The following GTF2F2 variants were observed in gnomAD, a reference collection of about 807,000 sequenced individuals.
GTF2F2 encodes general transcription factor IIF subunit 2.
Under a neutral mutation model 42.2 loss-of-function variants are expected in GTF2F2, and 23 were observed. The observed-to-expected ratio is 0.55, with a 90% CI of 0.39 to 0.77. The LOEUF is 0.77. GTF2F2 is among the 30% of genes least tolerant of loss of function. The pLI is 0.00. For synonymous variants in GTF2F2, 105 were observed against 100.8 expected, an observed-to-expected ratio of 1.04 and a Z score of -0.25; for missense variants, 261 against 287.2, an observed-to-expected ratio of 0.91 and a Z score of 0.66.
chr13:45,200,596 AT>A (rs1470635741), intron 4 of GTF2F2, among the ~76,000 whole-genome samples: 6 of 152,216 alleles, frequency 3.9e-5, no homozygotes, highest in African/African-American at 1.4e-4. Context: ...GCGTGGCAAA[AT>A]TCCTGAAGAT....
chr13:45,125,550 C>T (rs1593441475), intron 1 of GTF2F2, among the ~76,000 whole-genome samples: 1 of 152,258 alleles, frequency 6.6e-6, no homozygotes, highest in East Asian at 1.9e-4. Flanking sequence ...AATCTCTTGA[C>T]CTCGTTCGTG....
chr13:45,123,939 G>T, intron 1 of GTF2F2: 2 of 571,064 alleles, frequency 3.5e-6, no homozygotes, highest in Non-Finnish European at 6.4e-6. Context: ...GACTGAGTAT[G>T]GCAGGGACTC....
intron 5 of GTF2F2, among the ~76,000 whole-genome samples, chr13:45,218,945 G>A (rs1873997888): frequency 6.6e-6 from 1 of 152,138 alleles, no homozygotes; most frequent in Admixed American, 6.5e-5. Context: ...GCCATGGGAT[G>A]TATTGTAAAG....
At chr13:45,251,011 A>G (rs1344780631) in intron 5 of GTF2F2, among the ~76,000 whole-genome samples, 2 of 152,256 alleles carry the variant, frequency 1.3e-5, no homozygotes, top group Non-Finnish European at 2.9e-5. Flanking sequence ...TTGTGTATTT[A>G]AAGGATAAGC....
At chr13:45,164,410 C>T (rs1283555303) in intron 4 of GTF2F2, among the ~76,000 whole-genome samples, 12 of 152,016 alleles carry the variant, frequency 7.9e-5, no homozygotes, top group African/African-American at 2.2e-4. Context: ...TAAAACATGT[C>T]GATTTACTGA....
rs1358501867 is a variant in GTF2F2, at chr13:45,181,180, AC to A, written c.305-26243del. ...AGACCCTGTCTCAAAAGACAAAAAA[AC>A]AAACAAACAAAAAAAAAAAAAACCA... On this transcript the variant is annotated intron_variant, in intron 4 of 7. Coordinates refer to ENST00000340473, the MANE Select transcript of GTF2F2 (RefSeq NM_004128.3). Among the ~76,000 whole-genome samples the A allele has an allele frequency of 6.5e-4, 86 of 131,542 alleles. 2 individuals are homozygous for A. Among genetic ancestry groups the A allele is most frequent in the African/African-American group, 1.8e-3 (46 of 25,888 alleles). The allele number at this position is 131,542 out of a possible 152,430, so 86.3% of individuals were successfully genotyped here.
intron 7 of GTF2F2, among the ~76,000 whole-genome samples, chr13:45,282,807 A>G (rs1301200332): frequency 6.6e-6 from 1 of 152,134 alleles, no homozygotes. Flanking sequence ...GCCCGGCCTT[A>G]TTATCACTTC....
chr13:45,253,916 T>G (rs917728620), intron 6 of GTF2F2, among the ~76,000 whole-genome samples: 4 of 151,956 alleles, frequency 2.6e-5, no homozygotes, highest in African/African-American at 9.7e-5. Context: ...CTACTAAAAA[T>G]ACAAAAATTA....
chr13:45,219,903 T>C (rs190165478), intron 5 of GTF2F2, among the ~76,000 whole-genome samples: 2 of 152,336 alleles, frequency 1.3e-5, no homozygotes, highest in East Asian at 3.9e-4. Flanking sequence ...CAGAAACTTT[T>C]CAAACTGAAA....
At chr13:45,175,765 G>C (rs954182055) in intron 4 of GTF2F2, among the ~76,000 whole-genome samples, 3 of 152,136 alleles carry the variant, frequency 2.0e-5, no homozygotes, top group African/African-American at 7.2e-5. Context: ...TGGGATTACA[G>C]GCATGCGCCG....
At chr13:45,212,033 G>A (rs933733640) in intron 5 of GTF2F2, among the ~76,000 whole-genome samples, 33 of 152,018 alleles carry the variant, frequency 2.2e-4, no homozygotes, top group Non-Finnish European at 4.6e-4. Flanking sequence ...ACTACCTAAA[G>A]GATCTGTTTA....
chr13:45,264,560 T>C (rs1193067682), intron 6 of GTF2F2, among the ~76,000 whole-genome samples: 2 of 152,314 alleles, frequency 1.3e-5, no homozygotes, highest in East Asian at 1.9e-4. Context: ...CGTGAGCCAC[T>C]GCGCCTGGCC....
chr13:45,140,436 C>G (rs1385631772), intron 2 of GTF2F2, among the ~76,000 whole-genome samples: 1 of 152,208 alleles, frequency 6.6e-6, no homozygotes, highest in Non-Finnish European at 1.5e-5. Flanking sequence ...AGTTCTAACT[C>G]AATCATTTAC....
At chr13:45,224,419 G>T (rs1001916787) in intron 5 of GTF2F2, among the ~76,000 whole-genome samples, 5 of 152,218 alleles carry the variant, frequency 3.3e-5, no homozygotes, top group African/African-American at 1.2e-4. Flanking sequence ...GCTTGCCTAT[G>T]AGTCAAGTGG....
intron 5 of GTF2F2, among the ~76,000 whole-genome samples, chr13:45,231,690 T>C (rs1306028654): frequency 6.6e-6 from 1 of 152,188 alleles, no homozygotes; most frequent in African/African-American, 2.4e-5. Flanking sequence ...TTTTTTTTCC[T>C]GGCTTGATTT....
intron 4 of GTF2F2, among the ~76,000 whole-genome samples, chr13:45,200,613 A>G (rs1347721121): frequency 6.6e-6 from 1 of 152,226 alleles, no homozygotes; most frequent in Non-Finnish European, 1.5e-5. Context: ...AAGATCAAAT[A>G]GAGATCAGAA....
intron 2 of GTF2F2, among the ~76,000 whole-genome samples, chr13:45,145,637 T>C (rs866156831): frequency 1.3e-5 from 2 of 152,232 alleles, no homozygotes; most frequent in Non-Finnish European, 2.9e-5. Flanking sequence ...CCAGTTTTCT[T>C]CCTTTTCTTA....
chr13:45,272,958 ACT>A (rs1161813220), intron 7 of GTF2F2, among the ~76,000 whole-genome samples: 1 of 100,960 alleles, frequency 9.9e-6, no homozygotes, highest in East Asian at 2.8e-4. Flanking sequence ...ACGGAGTCTC[ACT>A]CTGTTGCCCA....
At position 45,194,418 on chromosome 13, in the gene GTF2F2, T is replaced by C. The variant is rs1383671651; in HGVS notation, c.305-13006T>C. 4.3e-6 allele frequency: 7 copies of C among 1,614,144 alleles called. 1 individual carries two copies. In the South Asian group the frequency reaches 7.7e-5, roughly 18 times the overall value. On this transcript the variant is annotated intron_variant, in intron 4 of 7. Coordinates refer to ENST00000340473, the MANE Select transcript of GTF2F2 (RefSeq NM_004128.3). ...GGAAAGTGTCTGGGTACTTGGTCAG[T>C]GTTTGTTTTTGAGTAATGTATAAAT...
Sources: gnomAD v4.1 joint callset for allele counts (sites outside exome capture counted in the v4.1 genomes callset) on GRCh38, gnomAD v4.1.1 for gene constraint, MANE v1.5 for transcripts, NCBI Gene and HGNC (gene_info 2026-07-23, HGNC 2026-07-21) for gene names.